TRANK1: variants seen among roughly 807,000 people sequenced by gnomAD.
TRANK1 encodes the protein tetratricopeptide repeat and ankyrin repeat containing 1.
TRANK1 carries 198 observed loss-of-function variants against 266.0 expected under a neutral mutation model. The ratio of observed to expected loss-of-function variants is 0.74; its 90% CI spans 0.66 to 0.84. The LOEUF is 0.84. Among genes scored for constraint, TRANK1 ranks in the 40% least tolerant of loss-of-function variants. The probability of loss-of-function intolerance (pLI) is 0.00; values close to 1 mark genes in which losing one functional copy is unlikely to be tolerated. For missense variants in TRANK1, 3,326 were observed against 3,634.6 expected, an observed-to-expected ratio of 0.92 and a Z score of 2.18; for synonymous variants, 1,396 against 1,384.1, an observed-to-expected ratio of 1.01 and a Z score of -0.19.
rs773172439 is a variant in TRANK1 at position 36,831,115 on chromosome 3, T to A, written c.8468A>T (p.His2823Leu). 5.6e-6 allele frequency: 9 copies of A among 1,613,880 alleles called. No homozygotes were observed. Among genetic ancestry groups the A allele is most frequent in the Non-Finnish European group, 7.6e-6 (9 of 1,179,884 alleles). ...TTGCTGCCTCTGGTGGTGTTCTAGA[T>A]GGATATGCTGCTCGTAAGACTCGCT... ...RNSESYEQHI[H>L]LEHHQRQQVA... is the part of the protein sequence containing the mutation. Residue 2823 changes from histidine (H) to leucine (L), a missense_variant, in exon 22 of 24, where the codon CAT becomes CTT. By Grantham distance (99) the His-to-Leu change is moderately conservative. Transcript: ENST00000645898. The surrounding 1 kb of genome is among the most constrained non-coding windows in gnomAD (Gnocchi z 5.0).
chr3:36,827,975 C>A lies in TRANK1; in HGVS notation c.*300G>T. On this transcript the variant is annotated 3_prime_UTR_variant, in exon 24 of 24. Transcript: ENST00000645898. ...TCATGATGGGGATGAGCCAGACACC[C>A]CAGGGACCATGCAGTGAGGAGTCCC... The A allele has an allele frequency of 3.1e-6, 1 of 327,784 alleles. No individual in the cohort carries two copies. The highest frequency in any genetic ancestry group is 5.8e-6 in the Non-Finnish European group (1 of 172,108). The allele number at this position is 327,784 out of a possible 1,614,324, so 20.3% of individuals were successfully genotyped here.
At chr3:36,893,223 G>T (rs2079734670) in intron 5 of TRANK1, among the ~76,000 whole-genome samples, 1 of 151,856 alleles carries the variant, frequency 6.6e-6, no homozygotes, top group Non-Finnish European at 1.5e-5. Flanking sequence ...CTCAAAGCCT[G>T]CTGAGGACAG....
intron 8 of TRANK1, among the ~76,000 whole-genome samples, chr3:36,879,946 G>GCAAATATATGTAAACATA (rs2079490679): frequency 1.1e-4 from 1 of 9,502 alleles, no homozygotes; most frequent in Non-Finnish European, 1.9e-4. Context: ...ATGTAAACAT[G>GCAAATATATGTAAACATA]CAAATATATG....
chr3:36,833,822 C>T lies in TRANK1; in HGVS notation c.5761G>A (p.Ala1921Thr), dbSNP rs775442026. 1.2e-6 allele frequency: 2 copies of T among 1,614,014 alleles called. No individual in the cohort carries two copies. Among genetic ancestry groups the T allele is most frequent in the East Asian group, 2.2e-5 (1 of 44,888 alleles). Residue 1921 changes from alanine to threonine, a missense_variant, in exon 22 of 24, where the codon GCA becomes ACA. Coordinates refer to ENST00000645898, the MANE Select transcript of TRANK1 (RefSeq NM_001329998.2). Reference protein sequence around the residue: ...YLEAAAKYLSANKMKEMMAVL... With the variant: ...YLEAAAKYLSTNKMKEMMAVL... The stretch of plus-strand genomic sequence containing the variant: ...GCCATCATTTCCTTCATCTTATTTG[C>T]ACTCAGATACTTTGCTGCAGCTTCC...
rs369566262 is a variant in TRANK1, at chr3:36,833,945, C to G, written c.5664-26G>C. On this transcript the variant is annotated intron_variant, in intron 21 of 23. Transcript: ENST00000645898. The stretch of plus-strand genomic sequence containing the variant: ...CTGCAAAGACAAAGGACACAAATGT[C>G]AACTTGCCATCACCCAATCAATAGA... The G allele has an allele frequency of 3.8e-6, 6 of 1,564,164 alleles. No homozygotes were observed. In the African/African-American group the frequency reaches 8.2e-5, roughly 21 times the overall value.
chr3:36,911,588 C>T (rs970786181), intron 1 of TRANK1, among the ~76,000 whole-genome samples: 5 of 152,156 alleles, frequency 3.3e-5, no homozygotes, highest in African/African-American at 1.2e-4. Context: ...TTTATTGATA[C>T]AATCACATCA....
At position 36,831,518 on chromosome 3, in the gene TRANK1, A is replaced by T; in HGVS notation, c.8065T>A (p.Phe2689Ile). 6.2e-7 allele frequency: 1 copy of T among 1,613,230 alleles called. No homozygotes were observed. ...AGTTCATCCATCTCATCCTGGCCAA[A>T]CTCACACTCAGGTTCAGCAAAGTAG... ...VDYFAEPECE[F>I]GQDEMDELAL... The change falls in exon 22 of 24, where the codon TTT becomes ATT. Residue 2689 changes from phenylalanine (F) to isoleucine (I), a missense_variant. Phe to Ile is a conservative substitution (Grantham distance 21, BLOSUM62 0). Transcript: ENST00000645898. This position sits in a 1 kb window ranked among gnomAD's most constrained non-coding sequence, Gnocchi z 5.0.
intron 8 of TRANK1, among the ~76,000 whole-genome samples, chr3:36,876,842 C>T (rs2079396690): frequency 6.6e-6 from 1 of 152,212 alleles, no homozygotes; most frequent in Non-Finnish European, 1.5e-5. Flanking sequence ...AGTGTAGCTT[C>T]TAACCAAGAC....
chr3:36,854,173 G>A (rs995050284), intron 13 of TRANK1, among the ~76,000 whole-genome samples: 1 of 151,948 alleles, frequency 6.6e-6, no homozygotes, highest in African/African-American at 2.4e-5. Context: ...CCAGCCTGAC[G>A]AACATAGTGA....
Position 36,832,558 on chromosome 3 carries a change from T to C in TRANK1, c.7025A>G (p.Asn2342Ser), listed in dbSNP as rs774757088. ...SAMQAFLLSSNYPEEFEKLLH... is the reference protein window; with the variant it reads ...SAMQAFLLSSSYPEEFEKLLH... ...CAGCTTTTCAAACTCCTCCGGGTAGTTGGAAGAGAGAAGGAAAGCTTGCAT... is the reference window on the plus strand; with the variant it reads ...CAGCTTTTCAAACTCCTCCGGGTAGCTGGAAGAGAGAAGGAAAGCTTGCAT... Residue 2342 changes from asparagine to serine, a missense_variant, in exon 22 of 24, where the codon AAC (asparagine) becomes AGC (serine). Physicochemically the swap from Asn to Ser is conservative, Grantham distance 46. Coordinates refer to ENST00000645898, the MANE Select transcript of TRANK1 (RefSeq NM_001329998.2). 5 of 1,613,800 alleles carry C rather than the reference T, an allele frequency of 3.1e-6. No homozygotes were observed. In the African/African-American group the frequency reaches 4.0e-5, roughly 13 times the overall value.
intron 9 of TRANK1, among the ~76,000 whole-genome samples, chr3:36,873,410 A>C (rs1235296834): frequency 6.6e-6 from 1 of 152,220 alleles, no homozygotes; most frequent in African/African-American, 2.4e-5. Context: ...ATGTTTCATT[A>C]AACTGAGATG....
At chr3:36,878,095 CAG>C (rs2079416060) in intron 8 of TRANK1, among the ~76,000 whole-genome samples, 2 of 152,136 alleles carry the variant, frequency 1.3e-5, no homozygotes, top group Non-Finnish European at 2.9e-5. Flanking sequence ...AGGAGGTGTG[CAG>C]AGGACAGCGA....
intron 2 of TRANK1, among the ~76,000 whole-genome samples, chr3:36,905,131 A>T (rs1391279266): frequency 6.6e-6 from 1 of 152,036 alleles, no homozygotes; most frequent in Non-Finnish European, 1.5e-5. Context: ...TACTAAAAAT[A>T]CAAAAAATTA....
intron 10 of TRANK1, among the ~76,000 whole-genome samples, chr3:36,863,256 G>A (rs2079169459): frequency 6.6e-6 from 1 of 152,290 alleles, no homozygotes; most frequent in African/African-American, 2.4e-5. Flanking sequence ...AAGGACATTG[G>A]AAAAGCAGCA....
At position 36,895,682 on chromosome 3, in the gene TRANK1, C is replaced by T. The variant is rs376715767; in HGVS notation, c.510G>A (p.Trp170Ter). The change falls in exon 5 of 24, where the codon TGG (tryptophan) becomes TGA (stop). Residue 170 changes from tryptophan (W) to a stop codon, truncating the protein, a stop_gained. Coordinates refer to ENST00000645898, the MANE Select transcript of TRANK1 (RefSeq NM_001329998.2). LOFTEE classifies it high-confidence loss of function. ...IFTTGFPTEVWQSVIEKLAKK... is the reference protein window; with the variant it reads ...IFTTGFPTEV ...TTGCCAACTTTTCTATTACAGATTG[C>T]CACACTTCTGTTGGGAATCCAGTTG... 6.5e-6 allele frequency: 10 copies of T among 1,536,250 alleles called. No homozygotes were observed. Among genetic ancestry groups the T allele is most frequent in the Admixed American group, 2.0e-5 (1 of 50,710 alleles).
At chr3:36,886,304 T>C (rs1470630038) in intron 8 of TRANK1, among the ~76,000 whole-genome samples, 2 of 151,754 alleles carry the variant, frequency 1.3e-5, no homozygotes, top group African/African-American at 2.4e-5. Context: ...CCAGTTAATT[T>C]TGCCATGTGG....
chr3:36,898,211 A>C (rs1359613079), intron 4 of TRANK1, among the ~76,000 whole-genome samples: 1 of 152,184 alleles, frequency 6.6e-6, no homozygotes, highest in African/African-American at 2.4e-5. Flanking sequence ...TCAGCACTTT[A>C]GGAGGCCAAG....
intron 12 of TRANK1, 148 bp downstream of exon 12, chr3:36,858,570 G>A (rs2079090870): frequency 3.5e-6 from 3 of 863,818 alleles, no homozygotes; most frequent in Non-Finnish European, 3.2e-6. Flanking sequence ...ACAAGTGAGG[G>A]GCCAGGTGAC....
chr3:36,888,053 A>G (rs1460533433), intron 8 of TRANK1, among the ~76,000 whole-genome samples: 2 of 152,258 alleles, frequency 1.3e-5, no homozygotes, highest in African/African-American at 4.8e-5. Flanking sequence ...AAATATTTAC[A>G]GCAGCATTAT....
Sources: allele counts gnomAD v4.1 joint callset (sites outside exome capture counted in the v4.1 genomes callset), GRCh38; gene constraint gnomAD v4.1.1; non-coding constraint Gnocchi (gnomAD v3.1); transcripts MANE v1.5; gene names NCBI Gene and HGNC (gene_info 2026-07-23, HGNC 2026-07-21).